SDK1: variants seen among roughly 807,000 people sequenced by gnomAD.
SDK1 encodes sidekick cell adhesion molecule 1, also known as protein sidekick-1.
A neutral mutation model predicts 245.5 loss-of-function variants in SDK1; 157 were observed. The ratio of observed to expected loss-of-function variants is 0.64; its 90% CI spans 0.56 to 0.73. SDK1 has a LOEUF of 0.73. Ranked by LOEUF, SDK1 falls within the 30% of genes least tolerant of loss-of-function variation. The pLI, the probability that SDK1 is intolerant of heterozygous loss-of-function variation, is 0.00. For missense variants in SDK1, 3,583 were observed against 3,002.3 expected, an observed-to-expected ratio of 1.19 and a Z score of -4.52; for synonymous variants, 1,647 against 1,278.5, an observed-to-expected ratio of 1.29 and a Z score of -6.15.
intron 13 of SDK1, among the ~76,000 whole-genome samples, chr7:3,978,745 C>CA (rs1019553833): frequency 4.1e-4 from 62 of 150,196 alleles, no homozygotes; most frequent in Non-Finnish European, 7.4e-4. Context: ...CTCAGATAAC[C>CA]AAAAAAAAAG....
chr7:4,192,719 T>C (rs143312760), intron 35 of SDK1, among the ~76,000 whole-genome samples: 1 of 152,240 alleles, frequency 6.6e-6, no homozygotes, highest in Non-Finnish European at 1.5e-5. Context: ...TTCAATGATC[T>C]GGAACCAAAC....
At chr7:3,903,685 C>T (rs1781868480) in intron 5 of SDK1, among the ~76,000 whole-genome samples, 2 of 152,110 alleles carry the variant, frequency 1.3e-5, no homozygotes, top group Non-Finnish European at 2.9e-5. Context: ...TGTTTTTTAG[C>T]ACTCATGAAA....
chr7:4,033,155 C>T (rs1226681043), intron 17 of SDK1, among the ~76,000 whole-genome samples: 2 of 152,046 alleles, frequency 1.3e-5, no homozygotes, highest in Non-Finnish European at 2.9e-5. Flanking sequence ...GAAATGGACC[C>T]CATTCGATAT....
rs187784614 is a variant in SDK1, at chr7:3,339,153, T to C, written c.298+37269T>C. ...ATGAATTTAAACAAGAGTGGCCATA[T>C]TAACATTCAAAAATAATTTCAGAAT... On this transcript the variant is annotated intron_variant, in intron 1 of 44. Transcript: ENST00000404826. Among the ~76,000 whole-genome samples the C allele has an allele frequency of 3.9e-4, 59 of 149,408 alleles. 1 individual carries two copies. Among genetic ancestry groups the C allele is most frequent in the Admixed American group, 2.7e-3 (40 of 14,880 alleles).
At chr7:3,647,366 A>G (rs187406269) in intron 4 of SDK1, among the ~76,000 whole-genome samples, 6 of 152,254 alleles carry the variant, frequency 3.9e-5, no homozygotes, top group Admixed American at 1.3e-4. Flanking sequence ...ATTCCTTCCC[A>G]CATTCTGGGG....
intron 44 of SDK1, among the ~76,000 whole-genome samples, chr7:4,253,948 A>T (rs1026169066): frequency 2.0e-5 from 3 of 151,944 alleles, no homozygotes; most frequent in Non-Finnish European, 4.4e-5. Context: ...CAAATATATC[A>T]TTTTGATTTC....
At chr7:4,105,851 G>C (rs1390889714) in intron 22 of SDK1, among the ~76,000 whole-genome samples, 1 of 152,220 alleles carries the variant, frequency 6.6e-6, no homozygotes, top group African/African-American at 2.4e-5. Flanking sequence ...AGGGGGAAGA[G>C]TGGTGCAGGG....
intron 4 of SDK1, among the ~76,000 whole-genome samples, chr7:3,670,845 C>G (rs776431839): frequency 6.6e-6 from 1 of 152,176 alleles, no homozygotes. Flanking sequence ...CCTTTTACTA[C>G]TGGTTTGTGA....
chr7:4,074,886 G>GTGTGTA (rs1401453083), intron 20 of SDK1, among the ~76,000 whole-genome samples: 2 of 48,108 alleles, frequency 4.2e-5, no homozygotes, highest in Admixed American at 2.8e-4. Flanking sequence ...CTCTCTCTCT[G>GTGTGTA]TATATATATA....
At chr7:3,435,517 G>T (rs113231134) in intron 1 of SDK1, among the ~76,000 whole-genome samples, 2,131 of 149,956 alleles carry the variant, frequency 0.014, 31 homozygotes, top group Non-Finnish European at 0.022. Flanking sequence ...TTATGATTAT[G>T]ATTATTATTA....
chr7:3,676,508 G>C (rs570452550), intron 4 of SDK1, among the ~76,000 whole-genome samples: 1 of 151,892 alleles, frequency 6.6e-6, no homozygotes, highest in Non-Finnish European at 1.5e-5. Flanking sequence ...TATATTGTTA[G>C]TAGAGACGGG....
At chr7:3,391,593 CAGAGA>C (rs1781754330) in intron 1 of SDK1, among the ~76,000 whole-genome samples, 1 of 149,880 alleles carries the variant, frequency 6.7e-6, no homozygotes, top group Non-Finnish European at 1.5e-5. Context: ...CACTGGCTTT[CAGAGA>C]AAAGAATAAA....
At chr7:3,576,069 C>T (rs1194498153) in intron 1 of SDK1, among the ~76,000 whole-genome samples, 1 of 151,982 alleles carries the variant, frequency 6.6e-6, no homozygotes, top group Non-Finnish European at 1.5e-5. Flanking sequence ...AAATCACAAA[C>T]CTGACTTTAC....
At chr7:3,414,551 G>C (rs1047815694) in intron 1 of SDK1, among the ~76,000 whole-genome samples, 1 of 152,124 alleles carries the variant, frequency 6.6e-6, no homozygotes, top group African/African-American at 2.4e-5. Context: ...CAAATTTATG[G>C]AACTGTGAAA....
intron 28 of SDK1, among the ~76,000 whole-genome samples, chr7:4,142,227 C>T (rs1018142152): frequency 6.6e-6 from 1 of 152,068 alleles, no homozygotes. Flanking sequence ...GCGAAAGATT[C>T]GTATCTCTTC....
At position 4,074,898 on chromosome 7, in the gene SDK1, A is replaced by C. The variant is rs1206198827; in HGVS notation, c.3011-2100A>C. 2.1e-3 allele frequency among the ~76,000 whole-genome samples: 117 copies of C among 56,702 alleles called. 3 individuals are homozygous for C. Among genetic ancestry groups the C allele is most frequent in the African/African-American group, 0.014 (88 of 6,334 alleles). 37.2% of individuals were successfully genotyped at this position (56,702 alleles called of 152,430 possible). A position where few individuals can be genotyped will look rare whatever the true frequency, so the allele number is the denominator to read the frequency against. ...TCTCTCTCTCTCTGTATATATATAT[A>C]TATATATATATATATATATTTTTTT... On this transcript the variant is annotated intron_variant, in intron 20 of 44. Transcript: ENST00000404826.
At chr7:3,854,520 G>T (rs538061847) in intron 5 of SDK1, among the ~76,000 whole-genome samples, 215 of 152,206 alleles carry the variant, frequency 1.4e-3, no homozygotes, top group African/African-American at 4.8e-3. Flanking sequence ...TTAGTATAGG[G>T]TCACAGAGCA....
At chr7:4,172,301 A>G (rs1781895245) in intron 32 of SDK1, among the ~76,000 whole-genome samples, 1 of 152,030 alleles carries the variant, frequency 6.6e-6, no homozygotes, top group African/African-American at 2.4e-5. Context: ...TCTGCCGGGT[A>G]CACACGGTGC....
At position 3,328,329 on chromosome 7, in the gene SDK1, C is replaced by T. The variant is rs116492827; in HGVS notation, c.298+26445C>T. On this transcript the variant is annotated intron_variant, in intron 1 of 44. Transcript: ENST00000404826. ...AGAATTAGGCTTATTTTAAGGTCTA[C>T]ACTTATGAGCTCTTACAATTTGCTT... 4.6e-3 allele frequency among the ~76,000 whole-genome samples: 700 copies of T among 152,126 alleles called. 6 individuals are homozygous for T. The highest frequency in any genetic ancestry group is 0.016 in the African/African-American group (671 of 41,504).
Sources: allele counts gnomAD v4.1 joint callset (sites outside exome capture counted in the v4.1 genomes callset), GRCh38; gene constraint gnomAD v4.1.1; transcripts MANE v1.5; gene names NCBI Gene and HGNC (gene_info 2026-07-23, HGNC 2026-07-21).